Variants in FNDC3A observed in about 807,000 individuals in gnomAD.
FNDC3A encodes the protein fibronectin type III domain containing 3A.
Under a neutral mutation model 148.9 loss-of-function variants are expected in FNDC3A, and 32 were observed. The ratio of observed to expected loss-of-function variants is 0.21; its 90% CI spans 0.16 to 0.29. FNDC3A has a LOEUF of 0.29. Among genes scored for constraint, FNDC3A ranks in the 10% least tolerant of loss-of-function variants. The pLI is 1.00. For missense variants in FNDC3A, 1,191 were observed against 1,452.8 expected (o/e 0.82, Z 2.93); for synonymous variants, 472 against 473.6 (o/e 1.00, Z 0.04).
Position 49,044,220 on chromosome 13 carries a change from T to C in FNDC3A, c.100-31069T>C, listed in dbSNP as rs921676775. 149 of 206,324 alleles carry C rather than the reference T, an allele frequency of 7.2e-4. 1 individual carries two copies. The highest frequency in any genetic ancestry group is 1.7e-4 in the Non-Finnish European group (16 of 95,588). 12.8% of individuals were successfully genotyped at this position (206,324 alleles called of 1,614,324 possible). A position where few individuals can be genotyped will look rare whatever the true frequency, so the allele number is the denominator to read the frequency against. ...CAGGTTTTGGGTTCAGTGGTTTGAG[T>C]GAGTTCACCCAGAGCTTCCTCTACA... On this transcript the variant is annotated intron_variant, in intron 2 of 25. Transcript: ENST00000492622.
chr13:49,144,270 A>T (rs934396027), intron 7 of FNDC3A, among the ~76,000 whole-genome samples: 2 of 152,128 alleles, frequency 1.3e-5, no homozygotes, highest in Non-Finnish European at 2.9e-5. Context: ...ATCATTTTTA[A>T]GTTCATTGTA....
intron 1 of FNDC3A, among the ~76,000 whole-genome samples, chr13:48,990,742 A>G (rs749770648): frequency 1.2e-4 from 19 of 152,156 alleles, no homozygotes; most frequent in Non-Finnish European, 2.8e-4. Flanking sequence ...AGCCTGGGCA[A>G]TAGAGACCCT....
Position 49,075,384 on chromosome 13 carries a change from A to G in FNDC3A, c.175+20A>G. 6.8e-7 allele frequency: 1 copy of G among 1,472,956 alleles called. No individual in the cohort carries two copies. Among genetic ancestry groups the G allele is most frequent in the Non-Finnish European group, 9.5e-7 (1 of 1,055,278 alleles). 91.2% of individuals were successfully genotyped at this position (1,472,956 alleles called of 1,614,324 possible). A position where few individuals can be genotyped will look rare whatever the true frequency, so the allele number is the denominator to read the frequency against. ...TTACAGGTAAGAATGGTAATTGAGA[A>G]TAATCATTTGAGACCAAATAAACCC... On this transcript the variant is annotated intron_variant, in intron 3 of 25. Transcript: ENST00000492622.
intron 2 of FNDC3A, among the ~76,000 whole-genome samples, chr13:49,035,432 A>G (rs1238448498): frequency 6.6e-6 from 1 of 152,030 alleles, no homozygotes; most frequent in Non-Finnish European, 1.5e-5. Flanking sequence ...GACATACAGA[A>G]TATACAGAAT....
chr13:49,139,773 C>T (rs1882587387), intron 7 of FNDC3A, among the ~76,000 whole-genome samples: 2 of 152,124 alleles, frequency 1.3e-5, no homozygotes, highest in African/African-American at 4.8e-5. Context: ...GTTCAGAGTG[C>T]TTGGAATGCA....
chr13:48,996,525 A>G (rs1952027214), intron 1 of FNDC3A, among the ~76,000 whole-genome samples: 1 of 152,248 alleles, frequency 6.6e-6, no homozygotes, highest in Admixed American at 6.5e-5. Flanking sequence ...ATTAGGTATT[A>G]TAAGTCATAC....
chr13:49,090,498 G>A (rs567028811), intron 3 of FNDC3A, among the ~76,000 whole-genome samples: 2 of 152,322 alleles, frequency 1.3e-5, no homozygotes, highest in African/African-American at 4.8e-5. Flanking sequence ...ACTGGGGTCT[G>A]TGCTTTGACC....
intron 3 of FNDC3A, among the ~76,000 whole-genome samples, chr13:49,093,854 C>T (rs1246158729): frequency 6.6e-6 from 1 of 152,170 alleles, no homozygotes; most frequent in African/African-American, 2.4e-5. Flanking sequence ...TGCCATTTAG[C>T]TTTACATGAT....
At position 49,208,457 on chromosome 13, in the gene FNDC3A, A is replaced by G. The variant is rs1886752622; in HGVS notation, c.*1062A>G. 1 of 152,652 alleles carries G rather than the reference A, an allele frequency of 6.6e-6. No homozygotes were observed. The highest frequency in any genetic ancestry group is 2.4e-5 in the African/African-American group (1 of 41,470). 9.5% of individuals were successfully genotyped at this position (152,652 alleles called of 1,614,324 possible). A position where few individuals can be genotyped will look rare whatever the true frequency, so the allele number is the denominator to read the frequency against. On this transcript the variant is annotated 3_prime_UTR_variant, in exon 26 of 26. Coordinates refer to ENST00000492622, the MANE Select transcript of FNDC3A (RefSeq NM_001079673.2). ...GAAGACAAAATTAATTTGCACCAGT[A>G]AACTTCAAGCTGCTTTCTTTCTTGA...
intron 3 of FNDC3A, among the ~76,000 whole-genome samples, chr13:49,113,295 C>G (rs966427970): frequency 4.9e-4 from 45 of 92,250 alleles, no homozygotes; most frequent in African/African-American, 1.9e-3. Context: ...TTTCCTTACC[C>G]CTGTTTAGTA....
intron 3 of FNDC3A, among the ~76,000 whole-genome samples, chr13:49,089,824 A>C (rs1172936243): frequency 6.6e-6 from 1 of 152,236 alleles, no homozygotes; most frequent in Non-Finnish European, 1.5e-5. Flanking sequence ...AACTGAACTA[A>C]TGAATGGGTA....
chr13:49,193,983 A>G (rs776576781), intron 19 of FNDC3A, among the ~76,000 whole-genome samples: 6 of 152,082 alleles, frequency 3.9e-5, no homozygotes, highest in Admixed American at 6.6e-5. Context: ...AATTTTGGCT[A>G]GGCACAGTAG....
intron 3 of FNDC3A, among the ~76,000 whole-genome samples, chr13:49,088,112 A>G (rs956454738): frequency 2.0e-5 from 3 of 152,144 alleles, no homozygotes; most frequent in South Asian, 2.1e-4. Flanking sequence ...GACCATTGCA[A>G]ATTTTTCTAA....
At chr13:49,075,483 C>A in intron 3 of FNDC3A, 119 bp downstream of exon 3, 1 of 604,436 alleles carries the variant, frequency 1.7e-6, no homozygotes. Flanking sequence ...CACACAAAAG[C>A]ATAAACTCTG....
At chr13:49,204,689 A>G (rs935924656) in intron 25 of FNDC3A, among the ~76,000 whole-genome samples, 2 of 152,242 alleles carry the variant, frequency 1.3e-5, no homozygotes, top group African/African-American at 4.8e-5. Flanking sequence ...TAGTATATGA[A>G]TAACCTTAAG....
At chr13:49,105,214 A>C (rs1880098758) in intron 3 of FNDC3A, among the ~76,000 whole-genome samples, 1 of 152,242 alleles carries the variant, frequency 6.6e-6, no homozygotes, top group African/African-American at 2.4e-5. Flanking sequence ...AATGTGAATC[A>C]GTGGAACTTC....
At chr13:49,072,075 CA>C (rs1238305152) in intron 2 of FNDC3A, among the ~76,000 whole-genome samples, 1 of 151,996 alleles carries the variant, frequency 6.6e-6, no homozygotes, top group Non-Finnish European at 1.5e-5. Context: ...ATGTCTTAAA[CA>C]AAAAAATATT....
At chr13:49,001,232 A>G (rs1390013236) in intron 1 of FNDC3A, among the ~76,000 whole-genome samples, 1 of 152,320 alleles carries the variant, frequency 6.6e-6, no homozygotes, top group South Asian at 2.1e-4. Flanking sequence ...TAAATTGTGA[A>G]GATTTCATAG....
At chr13:49,073,832 A>G (rs1445010282) in intron 2 of FNDC3A, among the ~76,000 whole-genome samples, 1 of 147,282 alleles carries the variant, frequency 6.8e-6, no homozygotes, top group Non-Finnish European at 1.5e-5. Context: ...TATATTATAT[A>G]TATGTGTGTA....
Sources: allele counts gnomAD v4.1 joint callset (sites outside exome capture counted in the v4.1 genomes callset), GRCh38; gene constraint gnomAD v4.1.1; transcripts MANE v1.5; gene names NCBI Gene and HGNC (gene_info 2026-07-23, HGNC 2026-07-21).